Variants in L1TD1 observed in about 807,000 individuals in gnomAD.
L1TD1 encodes LINE-1 type transposase domain-containing protein 1.
Under a neutral mutation model 25.7 loss-of-function variants are expected in L1TD1, and 26 were observed. The observed-to-expected ratio is 1.01, with a 90% confidence interval of 0.74 to 1.40. L1TD1 has a LOEUF of 1.40. L1TD1 is among the 40% of genes most tolerant of loss of function. L1TD1 has a pLI of 0.00. For synonymous variants in L1TD1, 421 were observed against 335.6 expected (o/e 1.25, Z -2.78); for missense variants, 1,130 against 975.0 (o/e 1.16, Z -2.12).
Position 62,207,112 on chromosome 1 carries a change from C to G in L1TD1, c.484C>G (p.Gln162Glu), listed in dbSNP as rs897132195. Residue 162 changes from glutamine (Q) to glutamate (E), a missense_variant, in exon 3 of 4, where the codon CAG becomes GAG. Coordinates refer to ENST00000498273, the MANE Select transcript of L1TD1 (RefSeq NM_019079.5). Reference sequence around the variant, plus strand: ...TAGTAATGATGGTAAGAAATTACCCCAGGGTGAATCACGAAGTTACGAAGT... The same window carrying G: ...TAGTAATGATGGTAAGAAATTACCCGAGGGTGAATCACGAAGTTACGAAGT... Reference protein sequence around the residue: ...YNSNDGKKLPQGESRSYEVMG... With the variant: ...YNSNDGKKLPEGESRSYEVMG... The G allele has an allele frequency of 3.7e-6, 6 of 1,602,082 alleles. No homozygotes were observed. The highest frequency in any genetic ancestry group is 5.1e-6 in the Non-Finnish European group (6 of 1,173,464).
chr1:62,200,260 T>G (rs1032455970), intron 2 of L1TD1, among the ~76,000 whole-genome samples: 1 of 152,116 alleles, frequency 6.6e-6, no homozygotes, highest in Non-Finnish European at 1.5e-5. Context: ...CACTGCAACC[T>G]CCGCCTCCCG....
In L1TD1 at chr1:62,211,208, A is replaced by G; in HGVS notation, c.2434A>G (p.Lys812Glu). 1 of 1,554,768 alleles carries G rather than the reference A, an allele frequency of 6.4e-7. No homozygotes were observed. Among genetic ancestry groups the G allele is most frequent in the East Asian group, 2.4e-5 (1 of 41,172 alleles). The change falls in exon 4 of 4, where the codon AAA (lysine) becomes GAA (glutamate). Residue 812 changes from lysine to glutamate, a missense_variant. Lys to Glu is a moderately conservative substitution (Grantham distance 56, BLOSUM62 1). Coordinates refer to ENST00000498273, the MANE Select transcript of L1TD1 (RefSeq NM_019079.5). The part of the protein sequence containing the change: ...DARSKWSNVF[K>E]VLLEKGFNPR... The stretch of plus-strand genomic sequence containing the variant: ...TAGAAGTAAATGGAGCAATGTCTTC[A>G]AAGTTCTGCTGGAAAAAGGCTTTAA...
Position 62,212,264 on chromosome 1 carries a change from T to C in L1TD1, c.*892T>C, listed in dbSNP as rs1166877931. On this transcript the variant is annotated 3_prime_UTR_variant, in exon 4 of 4. Transcript: ENST00000498273. ...AAAATACAAAAAGAGGAAGAAATGA[T>C]ATTTCACAAGTTTGTATCATTTGTC... is the stretch of plus-strand genomic sequence containing the variant. 3.9e-5 allele frequency: 6 copies of C among 152,066 alleles called. No homozygotes were observed. The highest frequency in any genetic ancestry group is 8.8e-5 in the Non-Finnish European group (6 of 68,022). The allele number at this position is 152,066 out of a possible 1,614,324, so 9.4% of individuals were successfully genotyped here.
intron 2 of L1TD1, among the ~76,000 whole-genome samples, chr1:62,197,565 C>T (rs912404417): frequency 2.0e-5 from 3 of 151,862 alleles, no homozygotes; most frequent in Non-Finnish European, 2.9e-5. Context: ...AATTCCTGGC[C>T]TCAAGTGCTC....
At chr1:62,201,560 A>G (rs1242949648) in intron 2 of L1TD1, among the ~76,000 whole-genome samples, 1 of 151,668 alleles carries the variant, frequency 6.6e-6, no homozygotes, top group Non-Finnish European at 1.5e-5. Context: ...ACCTAGATTC[A>G]AAAACAAATA....
At chr1:62,205,437 A>ATTTTTTTTTTTTTTTTTT (rs1169759217) in intron 2 of L1TD1, among the ~76,000 whole-genome samples, 11 of 42,444 alleles carry the variant, frequency 2.6e-4, no homozygotes, top group Non-Finnish European at 4.1e-4. Context: ...ATATATATAT[A>ATTTTTTTTTTTTTTTTTT]TATATATTTT....
In L1TD1 at chr1:62,210,850, T is replaced by G; in HGVS notation, c.2076T>G (p.Asp692Glu). The change falls in exon 4 of 4, where the codon GAT (aspartate) becomes GAG (glutamate). Residue 692 changes from aspartate to glutamate, a missense_variant. By Grantham distance (45) the Asp-to-Glu change is conservative. Coordinates refer to ENST00000498273, the MANE Select transcript of L1TD1 (RefSeq NM_019079.5). ...KQIISKERQR[D>E]IEERSRSCNI... The stretch of plus-strand genomic sequence containing the variant: ...TAATTAGTAAAGAAAGGCAAAGAGA[T>G]ATAGAGGAGAGATCTAGAAGTTGCA... 1.3e-6 allele frequency: 2 copies of G among 1,550,318 alleles called. No individual in the cohort carries two copies. Among genetic ancestry groups the G allele is most frequent in the South Asian group, 1.2e-5 (1 of 83,676 alleles).
chr1:62,197,769 G>A (rs959829603), intron 2 of L1TD1, among the ~76,000 whole-genome samples: 2 of 151,970 alleles, frequency 1.3e-5, no homozygotes, highest in Non-Finnish European at 2.9e-5. Flanking sequence ...CCAGCTACTC[G>A]GGAGGCTGAG....
rs1319248660 is a variant in L1TD1 at position 62,211,546 on chromosome 1, T to A, written c.*174T>A. On this transcript the variant is annotated 3_prime_UTR_variant, in exon 4 of 4. Transcript: ENST00000498273. The stretch of plus-strand genomic sequence containing the variant: ...CCTAGATGTTAATAAAGGGTATGTT[T>A]AAAAAAAATAGGCTGGTCTCAATGT... 3 of 1,072,374 alleles carry A rather than the reference T, an allele frequency of 2.8e-6. No individual in the cohort carries two copies. The highest frequency in any genetic ancestry group is 3.3e-4 in the Middle Eastern group (1 of 3,058). The allele number at this position is 1,072,374 out of a possible 1,614,324, so 66.4% of individuals were successfully genotyped here. A position where few individuals can be genotyped will look rare whatever the true frequency, so the allele number is the denominator to read the frequency against.
rs1342866175 is a variant in L1TD1, at chr1:62,211,630, C to G, written c.*258C>G. ...AGATAGAATTCCTTGTTTTACTTCC[C>G]CCCCACCACCTCCCTACTGCAGTTG... On this transcript the variant is annotated 3_prime_UTR_variant, in exon 4 of 4. Transcript: ENST00000498273. The G allele has an allele frequency of 2.0e-5, 7 of 356,606 alleles. No individual in the cohort carries two copies. The highest frequency in any genetic ancestry group is 3.3e-5 in the Non-Finnish European group (7 of 209,990). The allele number at this position is 356,606 out of a possible 1,614,324, so 22.1% of individuals were successfully genotyped here.
chr1:62,202,429 ATACATTTGTCCCCCT>A, intron 2 of L1TD1, among the ~76,000 whole-genome samples: 1 of 151,580 alleles, frequency 6.6e-6, no homozygotes, highest in Middle Eastern at 3.5e-3. Flanking sequence ...GATTTTCTGT[ATACATTTGTCCCCCT>A]TACCTCCTGT....
chr1:62,197,396 A>T (rs868777361), intron 2 of L1TD1, among the ~76,000 whole-genome samples: 372 of 32,738 alleles, frequency 0.011, 2 homozygotes, highest in South Asian at 0.014. Flanking sequence ...AAAAAAATAA[A>T]TTATATATAT....
chr1:62,210,012 TGGAGGA>T lies in L1TD1; in HGVS notation c.1242_1247del (p.Glu419_Glu420del). On this transcript the variant is annotated inframe_deletion, in exon 4 of 4. Transcript: ENST00000498273. ...GAGGAGGAGGAAGAGCCCTCAGGGC[TGGAGGA>T]GGAAGAAGAAGAAGAGGCTTCAGGG... 6.3e-7 allele frequency: 1 copy of T among 1,587,036 alleles called. No homozygotes were observed. The highest frequency in any genetic ancestry group is 8.6e-7 in the Non-Finnish European group (1 of 1,162,040).
chr1:62,199,293 T>A (rs1173315242), intron 2 of L1TD1, among the ~76,000 whole-genome samples: 1 of 151,776 alleles, frequency 6.6e-6, no homozygotes, highest in African/African-American at 2.4e-5. Flanking sequence ...AGGTCAGGAG[T>A]TTGAAACCAG....
intron 2 of L1TD1, among the ~76,000 whole-genome samples, chr1:62,204,604 A>G (rs745519405): frequency 1.3e-5 from 2 of 152,136 alleles, no homozygotes; most frequent in Non-Finnish European, 2.9e-5. Context: ...GCGTCTCACT[A>G]TGTTGCCCAG....
intron 2 of L1TD1, among the ~76,000 whole-genome samples, chr1:62,197,054 A>G (rs1271423923): frequency 6.6e-6 from 1 of 152,034 alleles, no homozygotes; most frequent in African/African-American, 2.4e-5. Flanking sequence ...TGTTTCACAT[A>G]ACAGTTGTTG....
rs1303477729 is a variant in L1TD1, at chr1:62,210,086, C to G, written c.1312C>G (p.Gln438Glu). Reference sequence around the variant, plus strand: ...CTCAGGGCTAGAGGAGGAAGAGGAACAGACTTCAGAACAGGACTCAACCTT... The same window carrying G: ...CTCAGGGCTAGAGGAGGAAGAGGAAGAGACTTCAGAACAGGACTCAACCTT... ...EASGLEEEEE[Q>E]TSEQDSTFQG... Residue 438 changes from glutamine (Q) to glutamate (E), a missense_variant, in exon 4 of 4, where the codon CAG (glutamine) becomes GAG (glutamate). Physicochemically the swap from Gln to Glu is conservative, Grantham distance 29. Transcript: ENST00000498273. The G allele has an allele frequency of 1.2e-6, 2 of 1,613,848 alleles. No individual in the cohort carries two copies. Among genetic ancestry groups the G allele is most frequent in the South Asian group, 2.2e-5 (2 of 91,076 alleles).
At chr1:62,208,481 C>CTT (rs60188410) in intron 3 of L1TD1, 4,276 of 126,912 alleles carry the variant, frequency 0.034, 134 homozygotes, top group Middle Eastern at 0.085. Flanking sequence ...CTGGAAGGGG[C>CTT]TTTTTTTTTT....
intron 2 of L1TD1, among the ~76,000 whole-genome samples, chr1:62,196,975 G>C (rs1475316329): frequency 6.6e-6 from 1 of 152,042 alleles, no homozygotes; most frequent in Non-Finnish European, 1.5e-5. Context: ...TCTAGTGTGG[G>C]TCAGGACCCT....
Sources: gnomAD v4.1 joint callset for allele counts (sites outside exome capture counted in the v4.1 genomes callset) on GRCh38, gnomAD v4.1.1 for gene constraint, MANE v1.5 for transcripts, NCBI Gene and HGNC (gene_info 2026-07-23, HGNC 2026-07-21) for gene names.